CCSER1: variants seen among roughly 807,000 people sequenced by gnomAD.
The protein encoded by CCSER1 is coiled-coil serine rich protein 1.
In CCSER1, 41 loss-of-function variants were observed where a neutral mutation model predicts 82.0. The ratio of observed to expected loss-of-function variants is 0.50; its 90% CI spans 0.39 to 0.65. The LOEUF is 0.65. Among genes scored for constraint, CCSER1 ranks in the 30% least tolerant of loss-of-function variants. The pLI, the probability that CCSER1 is intolerant of heterozygous loss-of-function variation, is 0.00. For synonymous variants in CCSER1, 414 were observed against 383.9 expected (o/e 1.08, Z -0.92); for missense variants, 1,119 against 1,064.2 (o/e 1.05, Z -0.72).
At chr4:91,257,481 A>T (rs915606317) in intron 10 of CCSER1, among the ~76,000 whole-genome samples, 3 of 150,982 alleles carry the variant, frequency 2.0e-5, no homozygotes, top group African/African-American at 7.3e-5. Flanking sequence ...CTACACACAC[A>T]CACACACACA....
At chr4:91,224,095 C>T (rs1260977962) in intron 10 of CCSER1, among the ~76,000 whole-genome samples, 1 of 150,452 alleles carries the variant, frequency 6.6e-6, no homozygotes, top group South Asian at 2.1e-4. Context: ...GGTGACTGAG[C>T]TGTTCTTGAA....
chr4:90,977,927 C>T (rs1230190784), intron 9 of CCSER1, among the ~76,000 whole-genome samples: 2 of 151,446 alleles, frequency 1.3e-5, no homozygotes, highest in African/African-American at 4.9e-5. Context: ...TTTCAATGCC[C>T]TATGTGCTAT....
At chr4:90,881,282 G>A (rs1012190895) in intron 8 of CCSER1, among the ~76,000 whole-genome samples, 1 of 152,056 alleles carries the variant, frequency 6.6e-6, no homozygotes. Context: ...ACATGCAGGA[G>A]AGGAGAGAGG....
At chr4:90,986,177 G>C (rs923042227) in intron 9 of CCSER1, among the ~76,000 whole-genome samples, 6 of 151,680 alleles carry the variant, frequency 4.0e-5, no homozygotes, top group African/African-American at 1.5e-4. Context: ...GTGCACCACT[G>C]TTCCAAGGAG....
At chr4:90,493,636 C>G (rs1474620777) in intron 5 of CCSER1, among the ~76,000 whole-genome samples, 1 of 152,110 alleles carries the variant, frequency 6.6e-6, no homozygotes, top group Non-Finnish European at 1.5e-5. Context: ...AAATAATTTT[C>G]CACCCAGAAT....
intron 10 of CCSER1, among the ~76,000 whole-genome samples, chr4:91,444,438 T>C (rs546336273): frequency 7.5e-6 from 1 of 132,766 alleles, no homozygotes; most frequent in African/African-American, 2.9e-5. Context: ...ATCATTTTTT[T>C]TAAAGTGCCA....
intron 4 of CCSER1, among the ~76,000 whole-genome samples, chr4:90,411,044 G>T (rs1232519339): frequency 6.6e-6 from 1 of 152,014 alleles, no homozygotes; most frequent in Non-Finnish European, 1.5e-5. Context: ...ATAAATTCCT[G>T]GACACATACA....
intron 10 of CCSER1, among the ~76,000 whole-genome samples, chr4:91,444,247 G>A (rs184294455): frequency 1.0e-3 from 158 of 152,244 alleles, no homozygotes; most frequent in African/African-American, 3.5e-3. Context: ...GAAAAGCTTG[G>A]TAGCCACTTA....
chr4:90,614,708 G>A (rs1315537310), intron 5 of CCSER1, among the ~76,000 whole-genome samples: 1 of 152,136 alleles, frequency 6.6e-6, no homozygotes, highest in Non-Finnish European at 1.5e-5. Context: ...ACTAGCAGGG[G>A]TTGGTTCATG....
intron 10 of CCSER1, among the ~76,000 whole-genome samples, chr4:91,543,857 G>T (rs144331015): frequency 3.9e-5 from 6 of 152,148 alleles, no homozygotes; most frequent in Non-Finnish European, 8.8e-5. Context: ...TACCTTGCTT[G>T]GTTGGGGAAG....
At chr4:90,881,917 G>A (rs951086459) in intron 8 of CCSER1, among the ~76,000 whole-genome samples, 6 of 150,758 alleles carry the variant, frequency 4.0e-5, no homozygotes, top group Non-Finnish European at 5.9e-5. Flanking sequence ...GCAGCAATGC[G>A]AATATGTTTT....
chr4:91,235,691 G>T (rs531489145), intron 10 of CCSER1, among the ~76,000 whole-genome samples: 12 of 151,934 alleles, frequency 7.9e-5, no homozygotes, highest in Admixed American at 2.0e-4. Context: ...TAGGAGCTAC[G>T]TAAGGTCAAT....
At chr4:91,553,279 G>A (rs1762246448) in intron 10 of CCSER1, among the ~76,000 whole-genome samples, 1 of 151,172 alleles carries the variant, frequency 6.6e-6, no homozygotes, top group Admixed American at 6.6e-5. Flanking sequence ...CTTTTCAATG[G>A]CCTGTTAAGC....
At chr4:90,875,779 G>A (rs1437458167) in intron 8 of CCSER1, among the ~76,000 whole-genome samples, 1 of 152,134 alleles carries the variant, frequency 6.6e-6, no homozygotes, top group African/African-American at 2.4e-5. Flanking sequence ...CGATTCAAAA[G>A]AAGAGCGAAG....
chr4:90,967,088 T>G (rs1161495483), intron 9 of CCSER1, among the ~76,000 whole-genome samples: 2 of 152,006 alleles, frequency 1.3e-5, no homozygotes, highest in African/African-American at 2.4e-5. Flanking sequence ...AATCCAAAAC[T>G]AAACCCTAAT....
chr4:90,170,070 C>T (rs750971141), intron 1 of CCSER1, among the ~76,000 whole-genome samples: 1 of 151,838 alleles, frequency 6.6e-6, no homozygotes, highest in African/African-American at 2.4e-5. Context: ...ATTGGTTTCT[C>T]TAAAAGTTTC....
At chr4:90,909,955 C>A (rs59372808) in intron 8 of CCSER1, among the ~76,000 whole-genome samples, 2,361 of 152,200 alleles carry the variant, frequency 0.016, 57 homozygotes, top group African/African-American at 0.053. Context: ...CTACCTGAGA[C>A]TGGGTAATTT....
intron 10 of CCSER1, among the ~76,000 whole-genome samples, chr4:91,464,269 G>A (rs564909025): frequency 2.0e-5 from 3 of 152,090 alleles, no homozygotes; most frequent in Non-Finnish European, 4.4e-5. Context: ...CATAAGTGAA[G>A]GAGAAGTAAA....
At chr4:90,829,290 A>AT (rs1760848731) in intron 8 of CCSER1, among the ~76,000 whole-genome samples, 1 of 152,164 alleles carries the variant, frequency 6.6e-6, no homozygotes, top group African/African-American at 2.4e-5. Flanking sequence ...AAATAATACA[A>AT]TTTGAAGCCT....
Sources: allele counts gnomAD v4.1 joint callset (sites outside exome capture counted in the v4.1 genomes callset), GRCh38; gene constraint gnomAD v4.1.1; transcripts MANE v1.5; gene names NCBI Gene and HGNC (gene_info 2026-07-23, HGNC 2026-07-21).